Variants in KLK4 observed in about 807,000 individuals in gnomAD.
KLK4 encodes kallikrein related peptidase 4.
A neutral mutation model predicts 24.3 loss-of-function variants in KLK4; 24 were observed. That is an observed-to-expected ratio of 0.99 (90% CI 0.72 to 1.39). KLK4 has a LOEUF of 1.39. KLK4 is among the 40% of genes most tolerant of loss of function. KLK4 has a pLI of 0.00. For missense variants in KLK4, 344 were observed against 327.4 expected, an observed-to-expected ratio of 1.05 and a Z score of -0.39; for synonymous variants, 142 against 138.8, an observed-to-expected ratio of 1.02 and a Z score of -0.16.
intron 5 of KLK4, chr19:50,908,089 C>G (rs541984839): frequency 1.3e-5 from 7 of 533,118 alleles, no homozygotes; most frequent in East Asian, 9.9e-5. Context: ...TGGAGGTCAC[C>G]GCCCTCAGGC....
chr19:50,909,441 G>A, intron 2 of KLK4, 27 bp from the exon 3 acceptor site: 1 of 1,612,794 alleles, frequency 6.2e-7, no homozygotes, highest in East Asian at 2.2e-5. Flanking sequence ...GGATGGGATC[G>A]GGACCAGGAG....
chr19:50,908,212 TGTTTCTCTCA>T (rs1265526236), intron 5 of KLK4, 137 bp downstream of exon 5: 1 of 958,252 alleles, frequency 1.0e-6, no homozygotes. Context: ...TTTATTTCTC[TGTTTCTCTCA>T]GTTTCTCTCT....
exon 4 of KLK4, chr19:50,908,589 C>G (rs770055692): frequency 1.9e-6 from 3 of 1,614,222 alleles, no homozygotes; most frequent in South Asian, 1.1e-5. Context: ...CGTTCGCCAG[C>G]AGACCCCAGC....
rs567003949 is a variant in KLK4, at chr19:50,910,860, A to G, written c.-11-111T>C. 4.3e-6 allele frequency: 4 copies of G among 926,670 alleles called. No individual in the cohort carries two copies. The South Asian group carries it at 5.6e-5, about 13-fold the overall frequency. 57.4% of individuals were successfully genotyped at this position (926,670 alleles called of 1,614,324 possible). On this transcript the variant is annotated intron_variant, in intron 1 of 5. Coordinates refer to ENST00000324041, the Ensembl canonical transcript of KLK4. This position sits in a 1 kb window ranked among gnomAD's most constrained non-coding sequence, Gnocchi z 4.4. ...CCTCTGGGACGTTATTAGGTAGGCA[A>G]GAGCCTAGACCATCTACCCCCTCTC...
At position 50,908,605 on chromosome 19, in the gene KLK4, A is replaced by G. The variant is rs1017717143; in HGVS notation, c.449T>C (p.Val150Ala). The change falls in exon 4 of 6, where the codon GTT becomes GCT. Residue 150 changes from valine to alanine, a missense_variant. Coordinates refer to ENST00000324041, the Ensembl canonical transcript of KLK4. The stretch of plus-strand genomic sequence containing the variant: ...GTTCGCCAGCAGACCCCAGCCAGAA[A>G]CGAGGCAAGAGTTCCCCGCGGTAGG... 1 of 1,614,228 alleles carries G rather than the reference A, an allele frequency of 6.2e-7. No homozygotes were observed. The highest frequency in any genetic ancestry group is 8.5e-7 in the Non-Finnish European group (1 of 1,180,052).
chr19:50,906,941 G>GC lies in KLK4; in HGVS notation c.757dup (p.Ala253GlyfsTer11), dbSNP rs779820799. 3.1e-5 allele frequency: 50 copies of GC among 1,614,128 alleles called. 1 individual carries two copies. In the South Asian group the frequency reaches 5.2e-4, roughly 17 times the overall value. On this transcript the variant is annotated frameshift_variant, in exon 6 of 6. Transcript: ENST00000324041. LOFTEE classifies it high-confidence loss of function. ...GGTTCCCAGTCCCCAGAGTTAACTG[G>GC]CCTGGACGGTTTTCTCTATCCACTC...
chr19:50,906,419 G>T (rs989476418), exon 6 of KLK4: 1 of 177,668 alleles, frequency 5.6e-6, no homozygotes, highest in African/African-American at 2.4e-5. Context: ...CAACTGGTAA[G>T]GTTGGGTCAA....
intron 5 of KLK4, 197 bp downstream of exon 5, chr19:50,908,162 T>G: frequency 1.5e-6 from 1 of 683,350 alleles, no homozygotes; most frequent in Non-Finnish European, 2.5e-6. Flanking sequence ...CCCATGTCTG[T>G]TTCTGTTTCT....
chr19:50,910,973 AG>A lies in KLK4; in HGVS notation c.-11-225del, dbSNP rs2090483776. 6.6e-6 allele frequency among the ~76,000 whole-genome samples: 1 copy of A among 152,174 alleles called. No homozygotes were observed. The highest frequency in any genetic ancestry group is 1.5e-5 in the Non-Finnish European group (1 of 68,036). On this transcript the variant is annotated intron_variant, in intron 1 of 5. Transcript: ENST00000324041. The surrounding 1 kb of genome is among the most constrained non-coding windows in gnomAD (Gnocchi z 4.4). The stretch of plus-strand genomic sequence containing the variant: ...GAGATGGGAAAAGAGAGAGAGAGAG[AG>A]AACTAGGTAGAAAGGAAAGTTTAGA...
exon 6 of KLK4, chr19:50,906,977 C>T (rs909606576): frequency 6.2e-7 from 1 of 1,614,048 alleles, no homozygotes; most frequent in African/African-American, 1.3e-5. Flanking sequence ...AGTGAATTTG[C>T]AGAGGTTGGT....
chr19:50,909,331 C>T, exon 3 of KLK4: 1 of 1,614,224 alleles, frequency 6.2e-7, no homozygotes, highest in Non-Finnish European at 8.5e-7. Context: ...TTTTCCATGA[C>T]CAGTGCCGCC....
At chr19:50,907,072 C>T (rs1398816587) in exon 6 of KLK4, 2 of 1,613,986 alleles carry the variant, frequency 1.2e-6, no homozygotes, top group Non-Finnish European at 8.5e-7. Context: ...AGATCAGGGG[C>T]CCCCCAGAGT....
intron 5 of KLK4, 93 bp from the exon 6 acceptor site, chr19:50,907,179 AAGAC>A (rs1256980483): frequency 1.6e-6 from 2 of 1,284,882 alleles, no homozygotes; most frequent in African/African-American, 1.5e-5. Context: ...CTGAGAAACA[AAGAC>A]AGAACCATCA....
intron 3 of KLK4, chr19:50,909,036 C>A: frequency 6.8e-7 from 1 of 1,480,210 alleles, no homozygotes; most frequent in Admixed American, 2.1e-5. Context: ...AGACTCAGCA[C>A]TGGGCTGAGA....
At chr19:50,906,866 A>C in exon 6 of KLK4, 2 of 1,594,430 alleles carry the variant, frequency 1.3e-6, no homozygotes, top group South Asian at 1.1e-5. Flanking sequence ...GGCTGGGAAC[A>C]GATATTCCTG....
intron 2 of KLK4, among the ~76,000 whole-genome samples, chr19:50,909,751 G>A (rs1833844735): frequency 6.6e-6 from 1 of 151,884 alleles, no homozygotes; most frequent in African/African-American, 2.4e-5. Context: ...CAGGATATAG[G>A]CCTAGGGCTC....
At chr19:50,907,815 A>G (rs990595690) in intron 5 of KLK4, among the ~76,000 whole-genome samples, 2 of 152,212 alleles carry the variant, frequency 1.3e-5, no homozygotes, top group African/African-American at 4.8e-5. Context: ...CCCTGGTTTG[A>G]ACTGCACAAG....
chr19:50,907,138 G>A, intron 5 of KLK4, 52 bp from the exon 6 acceptor site: 3 of 1,586,118 alleles, frequency 1.9e-6, no homozygotes, highest in Non-Finnish European at 2.6e-6. Context: ...AGGTGGAAAT[G>A]GATGTGGGCT....
intron 3 of KLK4, 115 bp downstream of exon 3, chr19:50,909,137 G>A (rs2090462928): frequency 5.0e-6 from 8 of 1,586,242 alleles, no homozygotes; most frequent in Admixed American, 1.7e-5. Context: ...GGCTCATTCC[G>A]TCCTCCTCCC....
Sources: gnomAD v4.1 joint callset for allele counts (sites outside exome capture counted in the v4.1 genomes callset) on GRCh38, gnomAD v4.1.1 for gene constraint, Gnocchi (gnomAD v3.1) non-coding constraint, MANE v1.5 for transcripts, NCBI Gene and HGNC (gene_info 2026-07-23, HGNC 2026-07-21) for gene names.